The following PSD3 variants were observed in gnomAD, a reference collection of about 807,000 sequenced individuals.
The protein encoded by PSD3 is pleckstrin and Sec7 domain containing 3.
Under a neutral mutation model 105.5 loss-of-function variants are expected in PSD3, and 49 were observed. That is an observed-to-expected ratio of 0.46 (90% CI 0.37 to 0.59). The LOEUF (loss-of-function observed/expected upper bound fraction) is 0.59, where lower values mean the gene tolerates loss of function less well. PSD3 is among the 20% of genes least tolerant of loss of function. The pLI is 0.00. For synonymous variants in PSD3, 557 were observed against 457.8 expected, an observed-to-expected ratio of 1.22 and a Z score of -2.77; for missense variants, 1,561 against 1,263.8, an observed-to-expected ratio of 1.24 and a Z score of -3.57.
chr8:18,694,734 G>T (rs1266327228), intron 9 of PSD3, among the ~76,000 whole-genome samples: 3 of 151,974 alleles, frequency 2.0e-5, no homozygotes, highest in African/African-American at 7.3e-5. Context: ...CTAGCACTTT[G>T]GGAGGCCAAG....
intron 1 of PSD3, among the ~76,000 whole-genome samples, chr8:18,977,465 G>A (rs1345532966): frequency 2.0e-5 from 3 of 152,054 alleles, no homozygotes; most frequent in Non-Finnish European, 4.4e-5. Flanking sequence ...ATAGTCAGCA[G>A]CCAACTAATG....
At chr8:19,084,162 G>C (rs903181215) in intron 1 of PSD3, 1 of 407,152 alleles carries the variant, frequency 2.5e-6, no homozygotes, top group African/African-American at 2.0e-5. Flanking sequence ...TCTGTCCCCT[G>C]GCTCCCTTTC....
chr8:18,755,433 A>ATAACATAACATAACG (rs1805948136), intron 9 of PSD3, among the ~76,000 whole-genome samples: 2 of 141,422 alleles, frequency 1.4e-5, no homozygotes, highest in Admixed American at 1.4e-4. Flanking sequence ...CTGTCTCAAC[A>ATAACATAACATAACG]TAACATAACA....
rs183673869 is a variant in PSD3, at chr8:18,628,860, A to C, written c.2410+3753T>G. On this transcript the variant is annotated intron_variant, in intron 11 of 15. Coordinates refer to ENST00000327040, the MANE Select transcript of PSD3 (RefSeq NM_015310.4). ...GTGACAAAAAACAGAACCACACACA[A>C]AAAATAATCCTACACAAGAAAGGAA... Among the ~76,000 whole-genome samples, 326 of 152,090 alleles carry C rather than the reference A, an allele frequency of 2.1e-3. 1 individual carries two copies. Among genetic ancestry groups the C allele is most frequent in the Admixed American group, 7.7e-3 (117 of 15,240 alleles).
rs750760021 is a variant in PSD3 at position 18,535,706 on chromosome 8, T to C, written c.*37A>G. ...AGAAAGATCTTGAAAAACCCTATTT[T>C]GCTCCATGACCAGCACTTCCTGGCC... On this transcript the variant is annotated 3_prime_UTR_variant, in exon 16 of 16. Coordinates refer to ENST00000327040, the MANE Select transcript of PSD3 (RefSeq NM_015310.4). The C allele has an allele frequency of 6.6e-7, 1 of 1,516,566 alleles. No individual in the cohort carries two copies. The highest frequency in any genetic ancestry group is 9.2e-7 in the Non-Finnish European group (1 of 1,091,486). The allele number at this position is 1,516,566 out of a possible 1,614,324, so 93.9% of individuals were successfully genotyped here. A position where few individuals can be genotyped will look rare whatever the true frequency, so the allele number is the denominator to read the frequency against.
At position 18,936,148 on chromosome 8, in the gene PSD3, AAAT is replaced by A; in HGVS notation, c.22-9_22-7del. ...ACCCAAACAAATGTCTCTGCCTGCA[AAAT>A]AAGAACAAAACAAAGACACATTTAA... On this transcript the variant is annotated splice_region_variant and splice_polypyrimidine_tract_variant and intron_variant, in intron 1 of 15. Coordinates refer to ENST00000327040, the MANE Select transcript of PSD3 (RefSeq NM_015310.4). The A allele has an allele frequency of 6.3e-7, 1 of 1,586,784 alleles. No individual in the cohort carries two copies.
intron 2 of PSD3, among the ~76,000 whole-genome samples, chr8:18,921,855 G>A (rs988327194): frequency 6.6e-6 from 1 of 152,178 alleles, no homozygotes; most frequent in African/African-American, 2.4e-5. Flanking sequence ...CCAAGTACCT[G>A]TGCTCTGAAG....
At chr8:18,858,168 A>G (rs73666737) in intron 4 of PSD3, among the ~76,000 whole-genome samples, 13,800 of 152,284 alleles carry the variant, frequency 0.091, 789 homozygotes, top group African/African-American at 0.16. Flanking sequence ...TAAAGCAAAT[A>G]TCACAATAGA....
At chr8:18,923,019 G>C (rs1250207187) in intron 2 of PSD3, among the ~76,000 whole-genome samples, 1 of 152,094 alleles carries the variant, frequency 6.6e-6, no homozygotes, top group Non-Finnish European at 1.5e-5. Context: ...TTGGCTATTG[G>C]TGATTTCCTT....
At chr8:18,762,164 G>A (rs1485663789) in intron 9 of PSD3, among the ~76,000 whole-genome samples, 2 of 152,120 alleles carry the variant, frequency 1.3e-5, no homozygotes, top group Non-Finnish European at 2.9e-5. Context: ...TCAGGAGGGC[G>A]GAGCTCTCAT....
At chr8:18,636,926 G>A (rs536481522) in intron 10 of PSD3, among the ~76,000 whole-genome samples, 7 of 152,266 alleles carry the variant, frequency 4.6e-5, no homozygotes, top group East Asian at 1.9e-4. Flanking sequence ...GTACACTCAC[G>A]TGTATACACA....
intron 15 of PSD3, among the ~76,000 whole-genome samples, chr8:18,541,818 T>C (rs2129976202): frequency 6.6e-6 from 1 of 151,796 alleles, no homozygotes; most frequent in South Asian, 2.1e-4. Flanking sequence ...TGGGGCGATC[T>C]CGGCTCACTG....
intron 9 of PSD3, among the ~76,000 whole-genome samples, chr8:18,762,017 A>G (rs900347416): frequency 3.9e-4 from 60 of 152,182 alleles, no homozygotes; most frequent in African/African-American, 1.4e-3. Flanking sequence ...AGGAAATGCA[A>G]TGGAATAATA....
chr8:18,935,360 T>C (rs1431739030), intron 2 of PSD3, among the ~76,000 whole-genome samples: 1 of 151,980 alleles, frequency 6.6e-6, no homozygotes, highest in Non-Finnish European at 1.5e-5. Flanking sequence ...TGTTTCCTAA[T>C]AATATATTTT....
intron 8 of PSD3, among the ~76,000 whole-genome samples, chr8:18,773,901 C>A (rs997877102): frequency 6.6e-6 from 1 of 152,158 alleles, no homozygotes; most frequent in Admixed American, 6.5e-5. Context: ...GATCTTTCCA[C>A]TTTTACAGTT....
chr8:19,060,912 T>A (rs969969464), intron 1 of PSD3, among the ~76,000 whole-genome samples: 2 of 152,204 alleles, frequency 1.3e-5, no homozygotes, highest in African/African-American at 4.8e-5. Flanking sequence ...AGGCATCTTC[T>A]TTGGCAGGGT....
intron 10 of PSD3, among the ~76,000 whole-genome samples, chr8:18,646,175 C>A (rs968788730): frequency 1.3e-5 from 2 of 152,076 alleles, no homozygotes; most frequent in African/African-American, 2.4e-5. Flanking sequence ...TGATTGCCAA[C>A]CTACAGATGG....
chr8:18,561,604 A>G (rs1036713054), intron 14 of PSD3, among the ~76,000 whole-genome samples: 1 of 152,258 alleles, frequency 6.6e-6, no homozygotes, highest in Non-Finnish European at 1.5e-5. Context: ...ATAGAATTTA[A>G]GTGTTCTAAC....
chr8:18,706,738 A>C (rs765009545), intron 9 of PSD3, among the ~76,000 whole-genome samples: 1 of 152,198 alleles, frequency 6.6e-6, no homozygotes, highest in Non-Finnish European at 1.5e-5. Context: ...TGGCTACATC[A>C]AGCTGCCTAA....
Sources: allele counts gnomAD v4.1 joint callset (sites outside exome capture counted in the v4.1 genomes callset), GRCh38; gene constraint gnomAD v4.1.1; transcripts MANE v1.5; gene names NCBI Gene and HGNC (gene_info 2026-07-23, HGNC 2026-07-21).